The following CACNA1B variants were observed in gnomAD, a reference collection of about 807,000 sequenced individuals.
The protein encoded by CACNA1B is voltage-dependent N-type calcium channel subunit alpha-1B.
In CACNA1B, 70 loss-of-function variants were observed where a neutral mutation model predicts 247.2. The observed-to-expected ratio is 0.28, with a 90% CI of 0.23 to 0.35. The LOEUF is 0.35. Ranked by LOEUF, CACNA1B falls within the 10% of genes least tolerant of loss-of-function variation. The pLI is 1.00. For synonymous variants in CACNA1B, 1,231 were observed against 1,294.4 expected, an observed-to-expected ratio of 0.95 and a Z score of 1.05; for missense variants, 2,367 against 3,197.4, an observed-to-expected ratio of 0.74 and a Z score of 6.26.
intron 3 of CACNA1B, among the ~76,000 whole-genome samples, chr9:137,893,523 C>CAT: frequency 6.6e-6 from 1 of 151,510 alleles, no homozygotes; most frequent in Admixed American, 6.6e-5. Flanking sequence ...AGGTGGCACG[C>CAT]GCCTGTAATC....
Position 137,877,782 on chromosome 9 carries a change from G to C in CACNA1B, c.-152G>C, listed in dbSNP as rs1199888206. The stretch of plus-strand genomic sequence containing the variant: ...GGGCGTGGCGCGGGGCCGCGGAGTC[G>C]GGTGAGGCGGCGGCGGCTGCGGCGG... On this transcript the variant is annotated 5_prime_UTR_variant, in exon 1 of 47. Coordinates refer to ENST00000371372, the MANE Select transcript of CACNA1B (RefSeq NM_000718.4). 8.1e-6 allele frequency: 2 copies of C among 246,030 alleles called. No homozygotes were observed. Among genetic ancestry groups the C allele is most frequent in the East Asian group, 1.8e-4 (1 of 5,654 alleles). The allele number at this position is 246,030 out of a possible 1,614,324, so 15.2% of individuals were successfully genotyped here.
chr9:138,079,485 G>A (rs1960442824), intron 36 of CACNA1B, among the ~76,000 whole-genome samples: 2 of 152,164 alleles, frequency 1.3e-5, no homozygotes, highest in South Asian at 4.1e-4. Context: ...GCTCACACCT[G>A]TAATCCCAGC....
chr9:137,882,486 G>C lies in CACNA1B; in HGVS notation c.391-258G>C, dbSNP rs910978830. ...GATGCCAGGGTGGGAGGCACGAGGG[G>C]CCTGCAGGCATGACTGGGATGTTGC... On this transcript the variant is annotated intron_variant, in intron 2 of 46. Coordinates refer to ENST00000371372, the MANE Select transcript of CACNA1B (RefSeq NM_000718.4). The surrounding 1 kb of genome is among the most constrained non-coding windows in gnomAD (Gnocchi z 4.0). 6.6e-6 allele frequency among the ~76,000 whole-genome samples: 1 copy of C among 152,210 alleles called. No homozygotes were observed. Among genetic ancestry groups the C allele is most frequent in the Non-Finnish European group, 1.5e-5 (1 of 68,038 alleles).
Position 138,020,326 on chromosome 9 carries a change from G to C in CACNA1B, c.2268-2685G>C, listed in dbSNP as rs1163961658. Reference sequence around the variant, plus strand: ...GGGTTGTGCCTACCAGCTGAGGCCAGGACACAGGGGTGCCAGTCGTCCATG... The same window carrying C: ...GGGTTGTGCCTACCAGCTGAGGCCACGACACAGGGGTGCCAGTCGTCCATG... On this transcript the variant is annotated intron_variant, in intron 18 of 46. Transcript: ENST00000371372. The surrounding 1 kb of genome is among the most constrained non-coding windows in gnomAD (Gnocchi z 4.1). 6.6e-6 allele frequency among the ~76,000 whole-genome samples: 1 copy of C among 152,162 alleles called. No homozygotes were observed. Among genetic ancestry groups the C allele is most frequent in the Non-Finnish European group, 1.5e-5 (1 of 68,026 alleles).
At chr9:138,069,656 C>T (rs1016719018) in intron 31 of CACNA1B, 102 bp from the exon 32 acceptor site, 12 of 858,374 alleles carry the variant, frequency 1.4e-5, no homozygotes, top group Middle Eastern at 2.1e-4. Flanking sequence ...ACATACAATG[C>T]GAAAACCCAT....
intron 15 of CACNA1B, among the ~76,000 whole-genome samples, chr9:138,002,452 T>G (rs1958588946): frequency 6.6e-6 from 1 of 151,462 alleles, no homozygotes; most frequent in African/African-American, 2.4e-5. Context: ...CTCATGCCTA[T>G]AATCCCAGTG....
At position 138,025,075 on chromosome 9, in the gene CACNA1B, C is replaced by G. The variant is rs745521840; in HGVS notation, c.3189C>G (p.Asn1063Lys). The G allele has an allele frequency of 6.2e-7, 1 of 1,612,966 alleles. No homozygotes were observed. The highest frequency in any genetic ancestry group is 1.7e-5 in the Admixed American group (1 of 59,926). The change falls in exon 20 of 47, where the codon AAC (asparagine) becomes AAG (lysine). Residue 1063 changes from asparagine to lysine, a missense_variant. Coordinates refer to ENST00000371372, the MANE Select transcript of CACNA1B (RefSeq NM_000718.4). ...CAGAGGATGCAGACAATCAGCGGAA[C>G]GTCACTCGCATGGGCAGTCAGCCCC... ...EQPEDADNQRNVTRMGSQPPD... is the reference protein window; with the variant it reads ...EQPEDADNQRKVTRMGSQPPD...
chr9:138,120,591 T>G, intron 45 of CACNA1B, 40 bp from the exon 46 acceptor site: 1 of 1,469,770 alleles, frequency 6.8e-7, no homozygotes, highest in Non-Finnish European at 9.0e-7. Flanking sequence ...GGTCCCTGCC[T>G]TGGGCCTGGC....
chr9:137,985,460 T>G (rs896471890), intron 13 of CACNA1B, among the ~76,000 whole-genome samples: 1 of 152,220 alleles, frequency 6.6e-6, no homozygotes, highest in Non-Finnish European at 1.5e-5. Context: ...GACCCTGTCC[T>G]GAGGCAGGCT....
chr9:137,897,534 C>T (rs1175035878), intron 3 of CACNA1B, among the ~76,000 whole-genome samples: 4 of 152,142 alleles, frequency 2.6e-5, no homozygotes, highest in East Asian at 1.9e-4. Flanking sequence ...GAGCCGAGAT[C>T]GTGCCACTGC....
Position 138,007,251 on chromosome 9 carries a change from A to T in CACNA1B, c.2092+367A>T, listed in dbSNP as rs1958664403. ...ACTTAGGTTTTGGCACTGGGCTTTA[A>T]AAAGGAGCCCTTCCCCCTGCTGATA... On this transcript the variant is annotated intron_variant, in intron 16 of 46. Transcript: ENST00000371372. This position sits in a 1 kb window ranked among gnomAD's most constrained non-coding sequence, Gnocchi z 4.1. 6.6e-6 allele frequency among the ~76,000 whole-genome samples: 1 copy of T among 152,186 alleles called. No homozygotes were observed. The highest frequency in any genetic ancestry group is 2.4e-5 in the African/African-American group (1 of 41,426).
chr9:138,078,165 C>T lies in CACNA1B; in HGVS notation c.5001C>T (p.Asn1667=), dbSNP rs984578608. ...AGATCATGCTGTCCTGCCTGAGCAA[C>T]CAGGCCTGTGATGAGCAGGCCAATG... The part of the protein sequence containing the change: ...WHEIMLSCLS[N]QACDEQANAT... The change falls in exon 36 of 47, where the codon AAC becomes AAT. Residue 1667 remains asparagine, a synonymous_variant. Transcript: ENST00000371372. 4.3e-6 allele frequency: 7 copies of T among 1,613,672 alleles called. No individual in the cohort carries two copies. The highest frequency in any genetic ancestry group is 5.9e-6 in the Non-Finnish European group (7 of 1,179,714).
Position 137,919,094 on chromosome 9 carries a change from A to G in CACNA1B, c.966+1663A>G, listed in dbSNP as rs983988965. On this transcript the variant is annotated intron_variant, in intron 6 of 46. Coordinates refer to ENST00000371372, the MANE Select transcript of CACNA1B (RefSeq NM_000718.4). The surrounding 1 kb of genome is among the most constrained non-coding windows in gnomAD (Gnocchi z 4.6). ...ACTGGGGCTTGGCCAGGGGCCGCACATGACTCAGATTCTTCTGCCTGGGTC... is the reference window on the plus strand; with the variant it reads ...ACTGGGGCTTGGCCAGGGGCCGCACGTGACTCAGATTCTTCTGCCTGGGTC... 9.2e-5 allele frequency among the ~76,000 whole-genome samples: 14 copies of G among 152,208 alleles called. No individual in the cohort carries two copies. The highest frequency in any genetic ancestry group is 1.6e-4 in the Non-Finnish European group (11 of 68,036).
intron 21 of CACNA1B, among the ~76,000 whole-genome samples, 164 bp downstream of exon 21, chr9:138,044,064 C>G (rs892589020): frequency 3.3e-5 from 5 of 152,236 alleles, no homozygotes; most frequent in Non-Finnish European, 7.3e-5. Context: ...TGACCTCATT[C>G]TGCAGAAGAG....
Position 138,044,471 on chromosome 9 carries a change from C to T in CACNA1B, c.3413+571C>T, listed in dbSNP as rs968112652. Among the ~76,000 whole-genome samples the T allele has an allele frequency of 4.6e-5, 7 of 152,148 alleles. No individual in the cohort carries two copies. The East Asian group carries it at 5.8e-4, about 13-fold the overall frequency. ...TGGTGGGAGAGGCGGACGACAGACA[C>T]GACAAATAAGTAAAAGACATAAGAT... On this transcript the variant is annotated intron_variant, in intron 21 of 46. Coordinates refer to ENST00000371372, the MANE Select transcript of CACNA1B (RefSeq NM_000718.4).
Position 138,052,641 on chromosome 9 carries a change from T to C in CACNA1B, c.3807+453T>C, listed in dbSNP as rs569300212. 1.1e-4 allele frequency among the ~76,000 whole-genome samples: 16 copies of C among 152,328 alleles called. No individual in the cohort carries two copies. In the South Asian group the frequency reaches 2.9e-3, roughly 28 times the overall value. ...GAGCTTGTGCTAGGCCCTGTGCGAA[T>C]TGCTTCATGTGCTTCAGCTCACTTA... On this transcript the variant is annotated intron_variant, in intron 25 of 46. Transcript: ENST00000371372. The surrounding 1 kb of genome is among the most constrained non-coding windows in gnomAD (Gnocchi z 5.1).
At chr9:138,091,760 A>C (rs919332998) in intron 36 of CACNA1B, among the ~76,000 whole-genome samples, 2 of 152,250 alleles carry the variant, frequency 1.3e-5, no homozygotes, top group Non-Finnish European at 2.9e-5. Flanking sequence ...TGAATTTAAA[A>C]AAAGGAACTG....
rs1467545392 is a variant in CACNA1B at position 138,007,887 on chromosome 9, G to A, written c.2092+1003G>A. ...TCCTCGTCTCTGCCTCACTGGTGCC[G>A]GTGCCCTCAGTGCCCTTGCAGACTT... is the stretch of plus-strand genomic sequence containing the variant. On this transcript the variant is annotated intron_variant, in intron 16 of 46. Coordinates refer to ENST00000371372, the MANE Select transcript of CACNA1B (RefSeq NM_000718.4). The surrounding 1 kb of genome is among the most constrained non-coding windows in gnomAD (Gnocchi z 4.1). Among the ~76,000 whole-genome samples the A allele has an allele frequency of 2.0e-5, 3 of 152,158 alleles. No homozygotes were observed. Among genetic ancestry groups the A allele is most frequent in the African/African-American group, 7.2e-5 (3 of 41,430 alleles).
chr9:138,028,208 A>T (rs1231675610), intron 20 of CACNA1B, among the ~76,000 whole-genome samples: 1 of 151,678 alleles, frequency 6.6e-6, no homozygotes, highest in Admixed American at 6.6e-5. Flanking sequence ...TTTTTAGTAG[A>T]GATAGGGTTT....
Sources: allele counts gnomAD v4.1 joint callset (sites outside exome capture counted in the v4.1 genomes callset), GRCh38; gene constraint gnomAD v4.1.1; non-coding constraint Gnocchi (gnomAD v3.1); transcripts MANE v1.5; gene names NCBI Gene and HGNC (gene_info 2026-07-23, HGNC 2026-07-21).